Variants in PCSK5 observed in about 807,000 individuals in gnomAD.
PCSK5 encodes the protein proprotein convertase subtilisin/kexin type 5.
PCSK5 carries 129 observed loss-of-function variants against 233.2 expected under a neutral mutation model. The ratio of observed to expected loss-of-function variants is 0.55; its 90% CI spans 0.48 to 0.64. The LOEUF (loss-of-function observed/expected upper bound fraction) is 0.64, where lower values mean the gene tolerates loss of function less well. Among genes scored for constraint, PCSK5 ranks in the 30% least tolerant of loss-of-function variants. The probability of loss-of-function intolerance (pLI) is 0.00; values close to 1 mark genes in which losing one functional copy is unlikely to be tolerated. For synonymous variants in PCSK5, 825 were observed against 879.2 expected (o/e 0.94, Z 1.09); for missense variants, 2,076 against 2,430.1 (o/e 0.85, Z 3.06).
At chr9:76,059,934 A>C (rs1033039883) in intron 5 of PCSK5, among the ~76,000 whole-genome samples, 2 of 152,168 alleles carry the variant, frequency 1.3e-5, no homozygotes, top group Non-Finnish European at 2.9e-5. Context: ...AAGTGGGCTT[A>C]CTCTAGAACT....
chr9:76,324,328 T>A (rs1829297997), intron 32 of PCSK5, among the ~76,000 whole-genome samples: 1 of 152,100 alleles, frequency 6.6e-6, no homozygotes, highest in African/African-American at 2.4e-5. Flanking sequence ...CCTCCTGGGT[T>A]CAAGTGGTTC....
At chr9:76,024,742 A>G (rs1291181649) in intron 4 of PCSK5, among the ~76,000 whole-genome samples, 1 of 152,194 alleles carries the variant, frequency 6.6e-6, no homozygotes, top group Non-Finnish European at 1.5e-5. Context: ...TATCTGTGCA[A>G]TTAGCATGAT....
At chr9:76,172,467 AAG>A (rs752129581) in intron 13 of PCSK5, among the ~76,000 whole-genome samples, 3 of 152,196 alleles carry the variant, frequency 2.0e-5, no homozygotes, top group Non-Finnish European at 2.9e-5. Context: ...GTGAAATATA[AAG>A]AGATGAATTA....
intron 29 of PCSK5, 120 bp from the exon 30 acceptor site, chr9:76,310,536 T>C (rs999362795): frequency 1.9e-6 from 1 of 537,990 alleles, no homozygotes; most frequent in East Asian, 3.2e-5. Flanking sequence ...GCAAATATTT[T>C]GGTAAGCCTG....
chr9:76,181,999 A>G (rs190805777), intron 16 of PCSK5, among the ~76,000 whole-genome samples: 105 of 152,350 alleles, frequency 6.9e-4, no homozygotes, highest in African/African-American at 2.4e-3. Flanking sequence ...GAACCTCATT[A>G]GAGACTCAGG....
intron 1 of PCSK5, among the ~76,000 whole-genome samples, chr9:75,924,752 A>T (rs1193528492): frequency 6.6e-6 from 1 of 152,232 alleles, no homozygotes; most frequent in African/African-American, 2.4e-5. Flanking sequence ...CTTTCTGGAC[A>T]GCGGTTGAGA....
chr9:76,175,282 G>GAATCA, intron 14 of PCSK5, 153 bp downstream of exon 14: 1 of 616,252 alleles, frequency 1.6e-6, no homozygotes, highest in Non-Finnish European at 2.9e-6. Context: ...GAATCGAATC[G>GAATCA]AATCGAATCG....
intron 24 of PCSK5, among the ~76,000 whole-genome samples, chr9:76,270,085 C>G (rs1039596903): frequency 5.3e-5 from 8 of 150,810 alleles, no homozygotes; most frequent in Admixed American, 4.6e-4. Context: ...AGATTTCTTT[C>G]TTCTTTTTTT....
chr9:75,902,224 A>T (rs1167898867), intron 1 of PCSK5, among the ~76,000 whole-genome samples: 2 of 118,694 alleles, frequency 1.7e-5, no homozygotes, highest in East Asian at 2.3e-4. Context: ...TAAAAAAAAA[A>T]AAAAAAAAAA....
chr9:76,033,871 AC>A (rs781243188), intron 5 of PCSK5, among the ~76,000 whole-genome samples: 1 of 151,972 alleles, frequency 6.6e-6, no homozygotes, highest in Non-Finnish European at 1.5e-5. Context: ...CCTAGTCACC[AC>A]CGCCCAAAGC....
chr9:76,148,481 G>A (rs952797839), intron 10 of PCSK5, among the ~76,000 whole-genome samples: 8 of 151,652 alleles, frequency 5.3e-5, no homozygotes, highest in African/African-American at 1.5e-4. Flanking sequence ...TCAATTCTAC[G>A]TCTTCAACAT....
intron 35 of PCSK5, among the ~76,000 whole-genome samples, chr9:76,345,846 A>T (rs528481993): frequency 6.6e-6 from 1 of 152,128 alleles, no homozygotes; most frequent in South Asian, 2.1e-4. Flanking sequence ...CAGCCTCCCG[A>T]GTAGCTGGGA....
intron 20 of PCSK5, chr9:76,209,516 G>A (rs749669879): frequency 4.7e-5 from 24 of 515,392 alleles, no homozygotes; most frequent in Non-Finnish European, 7.7e-5. Flanking sequence ...TGTAGTAGGC[G>A]CTCAATAATT....
At chr9:76,286,145 TC>T (rs1016643286) in intron 24 of PCSK5, among the ~76,000 whole-genome samples, 3 of 152,164 alleles carry the variant, frequency 2.0e-5, no homozygotes, top group African/African-American at 4.8e-5. Flanking sequence ...AGGTCATTTT[TC>T]CCCCCATAAA....
chr9:75,940,087 G>A (rs1824230184), intron 2 of PCSK5, among the ~76,000 whole-genome samples: 1 of 152,182 alleles, frequency 6.6e-6, no homozygotes, highest in Admixed American at 6.5e-5. Flanking sequence ...ACCATCCATT[G>A]TACTTCTAAA....
intron 2 of PCSK5, among the ~76,000 whole-genome samples, chr9:75,980,747 AT>A (rs776030880): frequency 1.0e-3 from 89 of 85,568 alleles, no homozygotes; most frequent in African/African-American, 9.5e-4. Context: ...AAATTCTCTG[AT>A]TTTTTTTTTT....
chr9:76,296,872 G>GT lies in PCSK5; in HGVS notation c.3523+7_3523+8insT. On this transcript the variant is annotated splice_region_variant and intron_variant, in intron 27 of 37. Coordinates refer to ENST00000674117, the MANE Select transcript of PCSK5 (RefSeq NM_001372043.1). ...GAGGGCAAATTCTGGAATGGTATGT[G>GT]CCCCCCAAAAAAGAGGTCACAGGGG... is the stretch of plus-strand genomic sequence containing the variant. The GT allele has an allele frequency of 6.3e-7, 1 of 1,587,808 alleles. No homozygotes were observed. The highest frequency in any genetic ancestry group is 8.6e-7 in the Non-Finnish European group (1 of 1,167,722).
At chr9:76,029,942 C>G (rs895003551) in intron 5 of PCSK5, among the ~76,000 whole-genome samples, 2 of 152,136 alleles carry the variant, frequency 1.3e-5, no homozygotes, top group Non-Finnish European at 2.9e-5. Context: ...AGAAAACATT[C>G]TTATTGCACT....
At chr9:76,087,035 A>G (rs912150043) in intron 7 of PCSK5, among the ~76,000 whole-genome samples, 1 of 152,188 alleles carries the variant, frequency 6.6e-6, no homozygotes, top group Non-Finnish European at 1.5e-5. Flanking sequence ...TTCTTTCTCC[A>G]TGTAAGACTG....
Sources: gnomAD v4.1 joint callset for allele counts (sites outside exome capture counted in the v4.1 genomes callset) on GRCh38, gnomAD v4.1.1 for gene constraint, MANE v1.5 for transcripts, NCBI Gene and HGNC (gene_info 2026-07-23, HGNC 2026-07-21) for gene names.